Variants in GRIN3A observed in about 807,000 individuals in gnomAD.
GRIN3A encodes glutamate ionotropic receptor NMDA type subunit 3A, also known as glutamate receptor ionotropic, NMDA 3A.
Under a neutral mutation model 92.4 loss-of-function variants are expected in GRIN3A, and 47 were observed. The observed-to-expected ratio is 0.51, with a 90% CI of 0.40 to 0.65. GRIN3A has a LOEUF of 0.65. GRIN3A is among the 30% of genes least tolerant of loss of function. GRIN3A has a pLI of 0.00. For synonymous variants in GRIN3A, 527 were observed against 540.6 expected (o/e 0.97, Z 0.35); for missense variants, 1,324 against 1,393.1 (o/e 0.95, Z 0.79).
At position 101,613,230 on chromosome 9, in the gene GRIN3A, G is replaced by C. The variant is rs550156262; in HGVS notation, c.2766+146C>G. On this transcript the variant is annotated intron_variant, in intron 6 of 8. Coordinates refer to ENST00000361820, the MANE Select transcript of GRIN3A (RefSeq NM_133445.3). ...ATTCCTATAGGAATGGACGCTTTTT[G>C]GACAAAGTAAAAAATAATCCAAATA... 87 of 909,640 alleles carry C rather than the reference G, an allele frequency of 9.6e-5. No homozygotes were observed. The African/African-American group carries it at 1.3e-3, about 14-fold the overall frequency. The allele number at this position is 909,640 out of a possible 1,614,324, so 56.3% of individuals were successfully genotyped here.
intron 1 of GRIN3A, among the ~76,000 whole-genome samples, chr9:101,696,527 C>T (rs1242865724): frequency 6.7e-6 from 1 of 148,178 alleles, no homozygotes; most frequent in Non-Finnish European, 1.5e-5. Flanking sequence ...TAATTCACCA[C>T]CTTGGTTTTG....
chr9:101,608,388 T>G (rs1476754439), intron 6 of GRIN3A, among the ~76,000 whole-genome samples: 1 of 152,212 alleles, frequency 6.6e-6, no homozygotes, highest in Admixed American at 6.5e-5. Flanking sequence ...ATTTCCCAAC[T>G]GCCGTTCCCC....
intron 6 of GRIN3A, among the ~76,000 whole-genome samples, chr9:101,606,760 C>T (rs1196318054): frequency 6.6e-6 from 1 of 152,078 alleles, no homozygotes; most frequent in Non-Finnish European, 1.5e-5. Flanking sequence ...AAGTTATCAT[C>T]TGGATATTTT....
chr9:101,622,271 A>T (rs1828567756), intron 5 of GRIN3A, among the ~76,000 whole-genome samples: 1 of 152,278 alleles, frequency 6.6e-6, no homozygotes, highest in African/African-American at 2.4e-5. Context: ...TTGATATCCT[A>T]GTTAACATAC....
intron 2 of GRIN3A, among the ~76,000 whole-genome samples, chr9:101,685,308 C>CTT (rs35028586): frequency 0.029 from 3,302 of 115,158 alleles, 108 homozygotes; most frequent in African/African-American, 0.045. Context: ...TTTATCATGT[C>CTT]TTTTTTTTTT....
chr9:101,684,085 TTCC>T (rs1424858180), intron 2 of GRIN3A, among the ~76,000 whole-genome samples: 1 of 146,008 alleles, frequency 6.8e-6, no homozygotes, highest in African/African-American at 2.5e-5. Flanking sequence ...CCTTTCCTTC[TTCC>T]TGTCTTTTTC....
At chr9:101,697,333 A>G (rs1029436702) in intron 1 of GRIN3A, among the ~76,000 whole-genome samples, 2 of 152,204 alleles carry the variant, frequency 1.3e-5, no homozygotes, top group African/African-American at 2.4e-5. Context: ...GTAAAGAGAC[A>G]TTGAGAATGT....
chr9:101,676,616 T>C (rs1829399313), intron 2 of GRIN3A, among the ~76,000 whole-genome samples: 1 of 152,014 alleles, frequency 6.6e-6, no homozygotes, highest in Non-Finnish European at 1.5e-5. Context: ...TAGGAATCTT[T>C]AAGAATATTA....
chr9:101,587,599 C>T (rs898362184), intron 6 of GRIN3A, among the ~76,000 whole-genome samples: 2 of 152,154 alleles, frequency 1.3e-5, no homozygotes, highest in African/African-American at 4.8e-5. Context: ...TACATTTACT[C>T]TGACATTCCC....
At chr9:101,577,232 C>T (rs901506325) in intron 8 of GRIN3A, among the ~76,000 whole-genome samples, 3 of 152,060 alleles carry the variant, frequency 2.0e-5, no homozygotes, top group African/African-American at 7.2e-5. Flanking sequence ...ATACTCTGTT[C>T]CTAGGAATGC....
intron 3 of GRIN3A, among the ~76,000 whole-genome samples, chr9:101,646,879 G>T (rs1404421288): frequency 6.6e-6 from 1 of 151,532 alleles, no homozygotes; most frequent in Non-Finnish European, 1.5e-5. Flanking sequence ...TAATTTATTA[G>T]CTCTAATAGT....
Position 101,604,798 on chromosome 9 carries a change from AACTG to A in GRIN3A, c.2766+8574_2766+8577del, listed in dbSNP as rs374966986. Among the ~76,000 whole-genome samples, 379 of 152,240 alleles carry A rather than the reference AACTG, an allele frequency of 2.5e-3. 1 individual carries two copies. The highest frequency in any genetic ancestry group is 0.014 in the Middle Eastern group (4 of 294). On this transcript the variant is annotated intron_variant, in intron 6 of 8. Transcript: ENST00000361820. Reference sequence around the variant, plus strand: ...AATTAAAGATAAACTGGTCAGAAAAAACTGACTGGCATTGAAGCTTCTCAATGTG... The same window carrying A: ...AATTAAAGATAAACTGGTCAGAAAAAACTGGCATTGAAGCTTCTCAATGTG...
At chr9:101,632,641 C>G (rs539935380) in intron 3 of GRIN3A, among the ~76,000 whole-genome samples, 3 of 152,078 alleles carry the variant, frequency 2.0e-5, no homozygotes, top group Non-Finnish European at 4.4e-5. Context: ...ATGATATATT[C>G]TTCTTTCTTT....
chr9:101,649,374 C>G (rs1828980942), intron 3 of GRIN3A, among the ~76,000 whole-genome samples: 1 of 151,962 alleles, frequency 6.6e-6, no homozygotes. Flanking sequence ...CCAGTTGCTG[C>G]AAACAGTGCC....
intron 8 of GRIN3A, among the ~76,000 whole-genome samples, chr9:101,574,141 A>G (rs1158995747): frequency 6.6e-6 from 1 of 152,178 alleles, no homozygotes; most frequent in Non-Finnish European, 1.5e-5. Context: ...GAAAGCCCTC[A>G]GTTTCTTGCT....
intron 6 of GRIN3A, among the ~76,000 whole-genome samples, chr9:101,613,083 A>T (rs1050293530): frequency 1.3e-5 from 2 of 152,246 alleles, no homozygotes; most frequent in African/African-American, 4.8e-5. Flanking sequence ...CTATTGCTGT[A>T]ATTCAGAACA....
chr9:101,644,111 TA>T (rs1168257194), intron 3 of GRIN3A, among the ~76,000 whole-genome samples: 1 of 151,958 alleles, frequency 6.6e-6, no homozygotes, highest in Non-Finnish European at 1.5e-5. Flanking sequence ...TACACATATA[TA>T]AAACATGTTA....
At chr9:101,712,594 A>G (rs1236868109) in intron 1 of GRIN3A, among the ~76,000 whole-genome samples, 1 of 152,208 alleles carries the variant, frequency 6.6e-6, no homozygotes, top group Non-Finnish European at 1.5e-5. Context: ...TTCCAATAAA[A>G]TGCAGGAACT....
intron 6 of GRIN3A, among the ~76,000 whole-genome samples, chr9:101,588,691 A>G (rs1440391763): frequency 6.6e-6 from 1 of 152,184 alleles, no homozygotes; most frequent in African/African-American, 2.4e-5. Flanking sequence ...AACAATGACC[A>G]TATGCACACA....
Sources: gnomAD v4.1 joint callset for allele counts (sites outside exome capture counted in the v4.1 genomes callset) on GRCh38, gnomAD v4.1.1 for gene constraint, MANE v1.5 for transcripts, NCBI Gene and HGNC (gene_info 2026-07-23, HGNC 2026-07-21) for gene names.